Variants in ACTR3C observed in about 807,000 individuals in gnomAD.
ACTR3C encodes actin related protein 3C.
Under a neutral mutation model 26.3 loss-of-function variants are expected in ACTR3C, and 18 were observed. The ratio of observed to expected loss-of-function variants is 0.68; its 90% CI spans 0.47 to 1.01. The LOEUF (loss-of-function observed/expected upper bound fraction) is 1.01, where lower values mean the gene tolerates loss of function less well. Among genes scored for constraint, ACTR3C ranks in the 50% least tolerant of loss-of-function variants. The pLI is 0.00. For synonymous variants in ACTR3C, 55 were observed against 94.5 expected, an observed-to-expected ratio of 0.58 and a Z score of 2.42; for missense variants, 184 against 250.7, an observed-to-expected ratio of 0.73 and a Z score of 1.80.
At chr7:150,037,317 GC>G in the ACTR3C span, among the ~76,000 whole-genome samples, 5 of 46,346 alleles carry the variant, frequency 1.1e-4, 1 homozygote, top group South Asian at 1.3e-3. Flanking sequence ...GATCAACGAT[GC>G]GGGGTCCTAA....
chr7:150,222,068 A>T, the ACTR3C span, among the ~76,000 whole-genome samples: 1 of 150,264 alleles, frequency 6.7e-6, no homozygotes. Flanking sequence ...GATTTATTTT[A>T]GTTCTTCCGT....
chr7:149,883,505 G>A, the ACTR3C span, among the ~76,000 whole-genome samples: 1 of 152,182 alleles, frequency 6.6e-6, no homozygotes, highest in Non-Finnish European at 1.5e-5. Context: ...TGGAGGCCAC[G>A]CTGAGACAGA....
the ACTR3C span, among the ~76,000 whole-genome samples, chr7:150,063,457 T>C: frequency 5.0e-4 from 76 of 151,450 alleles, no homozygotes; most frequent in Middle Eastern, 0.01. Flanking sequence ...TTCTCCCATG[T>C]GCCTCCCAGG....
chr7:150,171,566 T>G, the ACTR3C span, among the ~76,000 whole-genome samples: 1 of 142,582 alleles, frequency 7.0e-6, no homozygotes, highest in Non-Finnish European at 1.5e-5. Context: ...GGTTTCCATC[T>G]TAAGAAACTA....
the ACTR3C span, among the ~76,000 whole-genome samples, chr7:150,236,557 A>C: frequency 6.6e-6 from 1 of 152,230 alleles, no homozygotes; most frequent in Non-Finnish European, 1.5e-5. Flanking sequence ...AAATGCAAGT[A>C]AATCCAGTTG....
the ACTR3C span, among the ~76,000 whole-genome samples, chr7:150,231,135 T>C: frequency 6.6e-5 from 10 of 152,210 alleles, no homozygotes; most frequent in African/African-American, 2.2e-4. Context: ...TAAATTGCAT[T>C]TTCATTTTTC....
chr7:149,978,010 T>C, the ACTR3C span, among the ~76,000 whole-genome samples: 1 of 151,098 alleles, frequency 6.6e-6, no homozygotes, highest in Non-Finnish European at 1.5e-5. Flanking sequence ...CAGCCAGTTC[T>C]AGTTGGCAGG....
At chr7:149,941,082 C>T in the ACTR3C span, among the ~76,000 whole-genome samples, 101 of 152,304 alleles carry the variant, frequency 6.6e-4, 1 homozygote, top group African/African-American at 2.3e-3. Flanking sequence ...GTCCCCTGGG[C>T]TCAGAGGCTG....
the ACTR3C span, among the ~76,000 whole-genome samples, chr7:149,985,220 A>ACG: frequency 7.2e-6 from 1 of 139,488 alleles, no homozygotes; most frequent in African/African-American, 2.5e-5. Context: ...ACACACACAC[A>ACG]CACACACACA....
chr7:150,037,720 C>G, the ACTR3C span, among the ~76,000 whole-genome samples: 1 of 87,768 alleles, frequency 1.1e-5, no homozygotes, highest in Non-Finnish European at 2.4e-5. Context: ...GGTCCTAAGC[C>G]AGGGGGGAAG....
the ACTR3C span, among the ~76,000 whole-genome samples, chr7:149,953,018 G>A: frequency 1.3e-5 from 2 of 151,212 alleles, no homozygotes; most frequent in Admixed American, 6.6e-5. Context: ...TACGAAAAAC[G>A]GCACAAAGGT....
At chr7:150,009,062 C>A in the ACTR3C span, among the ~76,000 whole-genome samples, 1 of 152,234 alleles carries the variant, frequency 6.6e-6, no homozygotes, top group Non-Finnish European at 1.5e-5. Flanking sequence ...TACTGCAGCC[C>A]AAGCCCCACT....
chr7:150,035,023 G>GT, the ACTR3C span, among the ~76,000 whole-genome samples: 1 of 144,064 alleles, frequency 6.9e-6, no homozygotes, highest in Non-Finnish European at 1.5e-5. Flanking sequence ...AGCCAGGGGG[G>GT]GAAGAGGGAC....
the ACTR3C span, among the ~76,000 whole-genome samples, chr7:150,235,625 A>T: frequency 6.6e-6 from 1 of 152,238 alleles, no homozygotes. Context: ...ATGACTTAGG[A>T]TTTACAAAAT....
the ACTR3C span, among the ~76,000 whole-genome samples, chr7:150,234,727 CA>C: frequency 4.6e-5 from 7 of 152,336 alleles, no homozygotes; most frequent in East Asian, 1.2e-3. Context: ...ACTTCATTCT[CA>C]TTTGGATACA....
At chr7:150,159,875 G>T in the ACTR3C span, among the ~76,000 whole-genome samples, 3 of 152,034 alleles carry the variant, frequency 2.0e-5, no homozygotes, top group Non-Finnish European at 4.4e-5. Context: ...CGCGATCTCG[G>T]CTCACCGCAA....
chr7:150,092,133 T>C, the ACTR3C span, among the ~76,000 whole-genome samples: 1 of 147,626 alleles, frequency 6.8e-6, no homozygotes, highest in Non-Finnish European at 1.5e-5. Flanking sequence ...TAGAAATGTC[T>C]TCTACTTCTA....
At chr7:150,180,673 T>A in the ACTR3C span, among the ~76,000 whole-genome samples, 3 of 148,150 alleles carry the variant, frequency 2.0e-5, no homozygotes, top group South Asian at 2.1e-4. Flanking sequence ...CCACCACGCC[T>A]GGCTAATTTT....
the ACTR3C span, among the ~76,000 whole-genome samples, chr7:150,198,339 T>C: frequency 1.4e-5 from 2 of 142,052 alleles, no homozygotes; most frequent in Admixed American, 7.0e-5. Flanking sequence ...TCTGCCTGGC[T>C]GCCCAGTCTG....
Sources: gnomAD v4.1 joint callset for allele counts (sites outside exome capture counted in the v4.1 genomes callset) on GRCh38, gnomAD v4.1.1 for gene constraint, MANE v1.5 for transcripts, NCBI Gene and HGNC (gene_info 2026-07-23, HGNC 2026-07-21) for gene names.